The following ATP10B variants were observed in gnomAD, a reference collection of about 807,000 sequenced individuals.
ATP10B encodes the protein phospholipid-transporting ATPase VB.
ATP10B carries 122 observed loss-of-function variants against 141.2 expected under a neutral mutation model. That is an observed-to-expected ratio of 0.86 (90% CI 0.75 to 1.00). The LOEUF is 1.00. Ranked by LOEUF, ATP10B falls within the 50% of genes least tolerant of loss-of-function variation. ATP10B has a pLI of 0.00. For missense variants in ATP10B, 1,876 were observed against 1,825.3 expected (o/e 1.03, Z -0.51); for synonymous variants, 685 against 692.0 (o/e 0.99, Z 0.16).
intron 17 of ATP10B, 148 bp from the exon 18 acceptor site, chr5:160,613,073 G>C: frequency 5.7e-6 from 4 of 697,162 alleles, no homozygotes; most frequent in African/African-American, 3.6e-5. Context: ...GAACTAGATG[G>C]AGCAGGTCTC....
At chr5:160,830,464 C>A (rs1211843377) in intron 1 of ATP10B, among the ~76,000 whole-genome samples, 2 of 152,000 alleles carry the variant, frequency 1.3e-5, no homozygotes, top group African/African-American at 4.8e-5. Context: ...AATAGTGACA[C>A]CAGATCAAAT....
intron 8 of ATP10B, among the ~76,000 whole-genome samples, chr5:160,646,536 A>G (rs1435667737): frequency 6.6e-6 from 1 of 152,188 alleles, no homozygotes; most frequent in East Asian, 1.9e-4. Context: ...GATAAAATAG[A>G]TTTTACTGAA....
intron 1 of ATP10B, among the ~76,000 whole-genome samples, chr5:160,822,726 G>T (rs903457939): frequency 6.6e-6 from 1 of 151,700 alleles, no homozygotes; most frequent in Admixed American, 6.6e-5. Context: ...AGATGAAACT[G>T]AAAGTCCTTA....
At chr5:160,788,913 A>G (rs1771369753) in intron 1 of ATP10B, among the ~76,000 whole-genome samples, 1 of 152,206 alleles carries the variant, frequency 6.6e-6, no homozygotes, top group Admixed American at 6.5e-5. Context: ...TTTCTATATT[A>G]TGGCAGACAC....
chr5:160,653,763 A>G (rs1581276203), intron 7 of ATP10B, among the ~76,000 whole-genome samples: 2 of 107,894 alleles, frequency 1.9e-5, no homozygotes, highest in South Asian at 5.3e-4. Flanking sequence ...ATAAATATAT[A>G]TAATATATAC....
chr5:160,708,682 T>C (rs1315739757), intron 3 of ATP10B, among the ~76,000 whole-genome samples: 3 of 152,084 alleles, frequency 2.0e-5, no homozygotes, highest in African/African-American at 7.2e-5. Flanking sequence ...TATCACAGGG[T>C]ATAAATTGAG....
At chr5:160,733,137 G>A (rs772991040) in intron 2 of ATP10B, among the ~76,000 whole-genome samples, 18 of 152,226 alleles carry the variant, frequency 1.2e-4, no homozygotes, top group Non-Finnish European at 2.5e-4. Context: ...TCTTTCAACT[G>A]TGTTTTGTAG....
the ATP10B span, among the ~76,000 whole-genome samples, chr5:160,878,499 C>G: frequency 1.3e-5 from 2 of 152,142 alleles, no homozygotes; most frequent in African/African-American, 2.4e-5. Flanking sequence ...TCCAAAACAC[C>G]AAAAGCAATG....
intron 7 of ATP10B, among the ~76,000 whole-genome samples, chr5:160,654,012 T>G: frequency 1.0e-4 from 1 of 9,852 alleles, no homozygotes; most frequent in Admixed American, 9.6e-4. Context: ...CGTATATACA[T>G]ATATAAATAT....
intron 6 of ATP10B, among the ~76,000 whole-genome samples, chr5:160,684,538 G>A (rs544771410): frequency 6.6e-6 from 1 of 152,296 alleles, no homozygotes; most frequent in Admixed American, 6.5e-5. Flanking sequence ...TGTGCTCATG[G>A]CCACACTGGG....
chr5:160,606,511 C>T (rs1427323569), intron 19 of ATP10B, among the ~76,000 whole-genome samples: 1 of 152,078 alleles, frequency 6.6e-6, no homozygotes, highest in Middle Eastern at 3.2e-3. Flanking sequence ...AATTCAAGGC[C>T]CCTGTTGGTT....
intron 2 of ATP10B, among the ~76,000 whole-genome samples, chr5:160,751,107 G>A (rs920468867): frequency 4.6e-5 from 7 of 152,178 alleles, no homozygotes; most frequent in South Asian, 2.1e-4. Context: ...TCTTCCAGAC[G>A]GAGGGCTCTG....
chr5:160,725,357 T>C (rs376808334), intron 2 of ATP10B, among the ~76,000 whole-genome samples: 2 of 152,316 alleles, frequency 1.3e-5, no homozygotes, highest in East Asian at 3.9e-4. Flanking sequence ...AAAACTACCT[T>C]CTTCACTCTA....
Position 160,620,346 on chromosome 5 carries a change from C to T in ATP10B, c.2416+1G>A, listed in dbSNP as rs771447401. On this transcript the variant is annotated splice_donor_variant, in intron 15 of 25. Coordinates refer to ENST00000327245, the MANE Select transcript of ATP10B (RefSeq NM_025153.3). LOFTEE classifies it high-confidence loss of function. ...TGGAACCCTGGTAAGGCAGGACTCACCGCAGGCTGGGTCTTCCAGCAGGTC... is the reference window on the plus strand; with the variant it reads ...TGGAACCCTGGTAAGGCAGGACTCATCGCAGGCTGGGTCTTCCAGCAGGTC... The T allele has an allele frequency of 1.2e-6, 2 of 1,604,778 alleles. No homozygotes were observed. The highest frequency in any genetic ancestry group is 1.7e-4 in the Middle Eastern group (1 of 6,014).
the ATP10B span, among the ~76,000 whole-genome samples, chr5:160,872,077 T>C: frequency 6.6e-6 from 1 of 152,186 alleles, no homozygotes; most frequent in Admixed American, 6.5e-5. Flanking sequence ...TCTTGAATTA[T>C]GGCCATTTTT....
intron 16 of ATP10B, 138 bp from the exon 17 acceptor site, chr5:160,616,102 CT>C (rs33929100): frequency 1.4e-5 from 12 of 887,476 alleles, no homozygotes; most frequent in Non-Finnish European, 1.8e-5. Context: ...TTCTCAAAGA[CT>C]TTTTTTTAAA....
At chr5:160,617,413 A>G (rs528400661) in intron 16 of ATP10B, among the ~76,000 whole-genome samples, 8 of 152,348 alleles carry the variant, frequency 5.3e-5, no homozygotes, top group African/African-American at 1.9e-4. Flanking sequence ...ACAGGAATCA[A>G]CTTCTTCCTG....
At chr5:160,776,419 A>T (rs1178456082) in intron 2 of ATP10B, among the ~76,000 whole-genome samples, 2 of 152,224 alleles carry the variant, frequency 1.3e-5, no homozygotes, top group African/African-American at 4.8e-5. Context: ...TGCTTACTAT[A>T]TGCCAGGCAC....
At position 160,612,844 on chromosome 5, in the gene ATP10B, C is replaced by T; in HGVS notation, c.2735G>A (p.Trp912Ter). 1 of 1,614,110 alleles carries T rather than the reference C, an allele frequency of 6.2e-7. No individual in the cohort carries two copies. Among genetic ancestry groups the T allele is most frequent in the Non-Finnish European group, 8.5e-7 (1 of 1,180,010 alleles). ...ATLREAGIQL[W>*]VLTGDKQETA... ...CTCCTGCTTATCTCCAGTCAGGACC[C>T]AGAGCTGGATCCCAGCCTCCCGCAG... The change falls in exon 18 of 26, where the codon TGG (tryptophan) becomes TAG (stop). Residue 912 changes from tryptophan to a stop codon, truncating the protein, a stop_gained. Coordinates refer to ENST00000327245, the MANE Select transcript of ATP10B (RefSeq NM_025153.3). LOFTEE classifies it high-confidence loss of function.
Sources: allele counts gnomAD v4.1 joint callset (sites outside exome capture counted in the v4.1 genomes callset), GRCh38; gene constraint gnomAD v4.1.1; transcripts MANE v1.5; gene names NCBI Gene and HGNC (gene_info 2026-07-23, HGNC 2026-07-21).